BNC2: variants seen among roughly 807,000 people sequenced by gnomAD.
The protein encoded by BNC2 is basonuclin zinc finger protein 2, also known as zinc finger protein basonuclin-2.
In BNC2, 20 loss-of-function variants were observed where a neutral mutation model predicts 76.3. That is an observed-to-expected ratio of 0.26 (90% CI 0.18 to 0.38). The LOEUF is 0.38. Ranked by LOEUF, BNC2 falls within the 10% of genes least tolerant of loss-of-function variation. The pLI, the probability that BNC2 is intolerant of heterozygous loss-of-function variation, is 1.00. For synonymous variants in BNC2, 582 were observed against 514.8 expected, an observed-to-expected ratio of 1.13 and a Z score of -1.77; for missense variants, 1,382 against 1,399.8, an observed-to-expected ratio of 0.99 and a Z score of 0.20.
At chr9:16,767,630 A>G (rs572325173) in intron 1 of BNC2, among the ~76,000 whole-genome samples, 16 of 152,170 alleles carry the variant, frequency 1.1e-4, no homozygotes, top group Non-Finnish European at 8.8e-5. Context: ...CAAGAGGTTC[A>G]TATATTATCT....
At chr9:16,675,444 G>C (rs1563892868) in intron 3 of BNC2, among the ~76,000 whole-genome samples, 1 of 151,944 alleles carries the variant, frequency 6.6e-6, no homozygotes, top group Non-Finnish European at 1.5e-5. Context: ...ATTTTTAGTA[G>C]AACCAGCCTT....
At chr9:16,847,837 A>G (rs544770522) in intron 1 of BNC2, among the ~76,000 whole-genome samples, 2 of 152,366 alleles carry the variant, frequency 1.3e-5, no homozygotes, top group South Asian at 4.1e-4. Flanking sequence ...ATGTGTAAAC[A>G]GTTGATTATT....
intron 6 of BNC2, among the ~76,000 whole-genome samples, chr9:16,428,664 G>C (rs984868287): frequency 1.3e-5 from 2 of 152,072 alleles, no homozygotes; most frequent in African/African-American, 2.4e-5. Flanking sequence ...AGAAACACTT[G>C]TCTTTTTTTT....
At chr9:16,567,898 G>A (rs2132786976) in intron 4 of BNC2, among the ~76,000 whole-genome samples, 1 of 152,234 alleles carries the variant, frequency 6.6e-6, no homozygotes, top group African/African-American at 2.4e-5. Flanking sequence ...CACTTACTTT[G>A]TAGAATAAAA....
intron 3 of BNC2, among the ~76,000 whole-genome samples, chr9:16,632,611 G>A (rs1175558023): frequency 2.0e-5 from 3 of 152,166 alleles, no homozygotes; most frequent in African/African-American, 7.2e-5. Flanking sequence ...TAAAATAACA[G>A]ATGTGGCCAT....
chr9:16,857,682 C>G (rs1056762981), intron 1 of BNC2, among the ~76,000 whole-genome samples: 1 of 152,052 alleles, frequency 6.6e-6, no homozygotes, highest in Non-Finnish European at 1.5e-5. Flanking sequence ...AGTTACATAT[C>G]TAATTAATAG....
chr9:16,865,074 C>T (rs1404705146), intron 1 of BNC2, among the ~76,000 whole-genome samples: 6 of 148,280 alleles, frequency 4.0e-5, no homozygotes, highest in Non-Finnish European at 8.9e-5. Flanking sequence ...GGAATTTCAG[C>T]ATGGGGCACT....
At chr9:16,809,766 GAC>G (rs1373757483) in intron 1 of BNC2, among the ~76,000 whole-genome samples, 3 of 152,012 alleles carry the variant, frequency 2.0e-5, no homozygotes, top group African/African-American at 7.2e-5. Flanking sequence ...GACAGTGCAA[GAC>G]TCTGTCTCAA....
chr9:16,763,784 T>C (rs1367119249), intron 1 of BNC2, among the ~76,000 whole-genome samples: 2 of 152,138 alleles, frequency 1.3e-5, no homozygotes. Flanking sequence ...CTGCTAAAAA[T>C]GAACACAACA....
chr9:16,434,477 T>A (rs1455888246), intron 6 of BNC2, among the ~76,000 whole-genome samples: 1 of 152,206 alleles, frequency 6.6e-6, no homozygotes, highest in African/African-American at 2.4e-5. Flanking sequence ...CTCTAAAATA[T>A]TTTTAGAAGA....
chr9:16,800,621 C>T (rs1817758057), intron 1 of BNC2, among the ~76,000 whole-genome samples: 1 of 151,614 alleles, frequency 6.6e-6, no homozygotes, highest in Non-Finnish European at 1.5e-5. Context: ...AAGAGGAATT[C>T]ATAGAAAAAG....
chr9:16,708,902 G>A (rs1409704169), intron 3 of BNC2, among the ~76,000 whole-genome samples: 1 of 152,168 alleles, frequency 6.6e-6, no homozygotes, highest in Non-Finnish European at 1.5e-5. Flanking sequence ...GTAGATGTCA[G>A]GGGACTCAGA....
intron 4 of BNC2, among the ~76,000 whole-genome samples, chr9:16,571,034 G>A (rs987607403): frequency 2.6e-5 from 4 of 152,118 alleles, no homozygotes; most frequent in African/African-American, 9.7e-5. Context: ...ACAATCAAAA[G>A]AGTCAATACA....
At chr9:16,834,781 CAA>C (rs1163157064) in intron 1 of BNC2, among the ~76,000 whole-genome samples, 1 of 152,088 alleles carries the variant, frequency 6.6e-6, no homozygotes, top group Non-Finnish European at 1.5e-5. Flanking sequence ...AAGCACTCAA[CAA>C]AGAGTTTTTA....
intron 5 of BNC2, among the ~76,000 whole-genome samples, chr9:16,517,408 G>A (rs191204279): frequency 1.9e-3 from 284 of 152,260 alleles, no homozygotes; most frequent in African/African-American, 6.3e-3. Context: ...CAGTATTAAG[G>A]CTTTAGTGGT....
At chr9:16,869,048 T>C (rs1287784309) in intron 1 of BNC2, among the ~76,000 whole-genome samples, 5 of 152,116 alleles carry the variant, frequency 3.3e-5, no homozygotes, top group Non-Finnish European at 7.4e-5. Flanking sequence ...ATAGTTAACA[T>C]AGGCTAGGGT....
intron 5 of BNC2, among the ~76,000 whole-genome samples, chr9:16,470,274 G>C (rs1310266528): frequency 6.6e-6 from 1 of 152,074 alleles, no homozygotes; most frequent in African/African-American, 2.4e-5. Context: ...TTGGATTACA[G>C]GCATGAGCCA....
chr9:16,559,936 A>C (rs986642420), intron 4 of BNC2, among the ~76,000 whole-genome samples: 8 of 152,268 alleles, frequency 5.3e-5, no homozygotes. Flanking sequence ...GATTTGACAA[A>C]GTACTGTGGG....
chr9:16,566,419 A>AC (rs1819169417), intron 4 of BNC2, among the ~76,000 whole-genome samples: 1 of 152,094 alleles, frequency 6.6e-6, no homozygotes, highest in South Asian at 2.1e-4. Flanking sequence ...TCTAGACAGC[A>AC]CCCCCTCACA....
Sources: gnomAD v4.1 joint callset for allele counts (sites outside exome capture counted in the v4.1 genomes callset) on GRCh38, gnomAD v4.1.1 for gene constraint, MANE v1.5 for transcripts, NCBI Gene and HGNC (gene_info 2026-07-23, HGNC 2026-07-21) for gene names.